DLG2: variants seen among roughly 807,000 people sequenced by gnomAD.
The protein encoded by DLG2 is discs large MAGUK scaffold protein 2, also known as disks large homolog 2.
Under a neutral mutation model 132.5 loss-of-function variants are expected in DLG2, and 45 were observed. That is an observed-to-expected ratio of 0.34 (90% CI 0.27 to 0.44). DLG2 has a LOEUF of 0.44. Among genes scored for constraint, DLG2 ranks in the 20% least tolerant of loss-of-function variants. The probability of loss-of-function intolerance (pLI) is 1.00; values close to 1 mark genes in which losing one functional copy is unlikely to be tolerated. For synonymous variants in DLG2, 424 were observed against 419.6 expected, an observed-to-expected ratio of 1.01 and a Z score of -0.13; for missense variants, 1,045 against 1,196.9, an observed-to-expected ratio of 0.87 and a Z score of 1.87.
At chr11:85,627,355 G>C (rs1007743052), upstream of DLG2, 1 of 152,104 alleles carries the variant, frequency 6.6e-6, no homozygotes, top group Non-Finnish European at 1.5e-5. Flanking sequence ...GAAAAAAAAG[G>C]AAAGCAATCC....
At chr11:83,469,124 A>AC (rs1339315356) in intron 25 of DLG2, 77 bp downstream of exon 25, 38 of 987,172 alleles carry the variant, frequency 3.8e-5, no homozygotes, top group Non-Finnish European at 1.5e-6. Flanking sequence ...AAGAGTAATG[A>AC]CCAAAAAAAA....
At chr11:85,320,738 G>A (rs1400911309) in intron 3 of DLG2, among the ~76,000 whole-genome samples, 1 of 151,850 alleles carries the variant, frequency 6.6e-6, no homozygotes, top group Admixed American at 6.6e-5. Flanking sequence ...ATAAAGTACT[G>A]TAGGAAAAGG....
chr11:85,622,598 G>A (rs1387039290), intron 2 of DLG2, among the ~76,000 whole-genome samples: 1 of 150,358 alleles, frequency 6.7e-6, no homozygotes, highest in Non-Finnish European at 1.5e-5. Context: ...AAAATAAGCA[G>A]GAGAGTCATA....
At chr11:83,953,514 T>G (rs1382464094) in intron 14 of DLG2, among the ~76,000 whole-genome samples, 1 of 152,194 alleles carries the variant, frequency 6.6e-6, no homozygotes, top group Admixed American at 6.5e-5. Flanking sequence ...CCCTGCCACC[T>G]GTCCATGGAA....
chr11:84,768,755 T>C (rs1403564586), intron 6 of DLG2, among the ~76,000 whole-genome samples: 1 of 152,054 alleles, frequency 6.6e-6, no homozygotes, highest in East Asian at 1.9e-4. Flanking sequence ...TGGTGGATTC[T>C]ACTCCCTCTC....
At chr11:83,896,813 C>G (rs760239306) in intron 15 of DLG2, among the ~76,000 whole-genome samples, 1 of 152,026 alleles carries the variant, frequency 6.6e-6, no homozygotes. Context: ...GAATTATACA[C>G]TAGAAATGGG....
At chr11:83,834,373 T>A (rs1047236391) in intron 16 of DLG2, among the ~76,000 whole-genome samples, 1 of 152,088 alleles carries the variant, frequency 6.6e-6, no homozygotes, top group African/African-American at 2.4e-5. Context: ...TGTCTAGGAA[T>A]CCAGCTGTGA....
intron 11 of DLG2, among the ~76,000 whole-genome samples, chr11:84,002,343 A>C (rs2094392619): frequency 6.6e-6 from 1 of 152,182 alleles, no homozygotes; most frequent in East Asian, 1.9e-4. Flanking sequence ...TCAACTAGGT[A>C]GTACCCCAGT....
chr11:84,239,465 A>G (rs1278804523), intron 8 of DLG2, among the ~76,000 whole-genome samples: 2 of 152,188 alleles, frequency 1.3e-5, no homozygotes, highest in African/African-American at 4.8e-5. Flanking sequence ...TACAGGCATG[A>G]GTCACCATGC....
chr11:84,029,171 A>G (rs541232111), intron 11 of DLG2, among the ~76,000 whole-genome samples: 6 of 152,222 alleles, frequency 3.9e-5, no homozygotes, highest in East Asian at 1.9e-4. Context: ...TAGAAGCTCA[A>G]TCAGTTACTA....
At chr11:84,549,599 C>G (rs181086711) in intron 6 of DLG2, among the ~76,000 whole-genome samples, 2 of 152,280 alleles carry the variant, frequency 1.3e-5, no homozygotes, top group Admixed American at 1.3e-4. Context: ...TATGAAGGCT[C>G]TCTGAAACTC....
At chr11:84,578,644 C>T (rs964917083) in intron 6 of DLG2, among the ~76,000 whole-genome samples, 1 of 152,174 alleles carries the variant, frequency 6.6e-6, no homozygotes, top group Non-Finnish European at 1.5e-5. Flanking sequence ...AACTAGCTTG[C>T]TTTTGACTTT....
At chr11:85,416,206 CTTCTG>C (rs2089832010) in intron 3 of DLG2, among the ~76,000 whole-genome samples, 1 of 151,512 alleles carries the variant, frequency 6.6e-6, no homozygotes, top group Non-Finnish European at 1.5e-5. Flanking sequence ...ATTTCTGAGG[CTTCTG>C]TTCTGTTCCA....
At chr11:84,741,276 G>A (rs1237861964) in intron 6 of DLG2, among the ~76,000 whole-genome samples, 2 of 151,326 alleles carry the variant, frequency 1.3e-5, no homozygotes, top group African/African-American at 2.4e-5. Context: ...CCGTGGTCTC[G>A]ATCTCCTGAC....
chr11:84,219,080 A>C (rs1320895804), intron 8 of DLG2, among the ~76,000 whole-genome samples: 1 of 152,168 alleles, frequency 6.6e-6, no homozygotes, highest in Non-Finnish European at 1.5e-5. Flanking sequence ...AAATACCATG[A>C]TTTACTGGTT....
At chr11:83,794,330 T>A (rs916301267) in intron 17 of DLG2, among the ~76,000 whole-genome samples, 34 of 152,198 alleles carry the variant, frequency 2.2e-4, no homozygotes, top group African/African-American at 7.2e-4. Context: ...TTTGAGTTTT[T>A]ATCAGTAAAC....
intron 3 of DLG2, among the ~76,000 whole-genome samples, chr11:85,376,690 G>T (rs770380852): frequency 6.6e-6 from 1 of 151,954 alleles, no homozygotes; most frequent in Admixed American, 6.6e-5. Flanking sequence ...AATTCCTTAC[G>T]GTATTTCAAG....
intron 6 of DLG2, among the ~76,000 whole-genome samples, chr11:84,755,261 C>T (rs1326349236): frequency 6.6e-6 from 1 of 152,096 alleles, no homozygotes; most frequent in Non-Finnish European, 1.5e-5. Context: ...AACTTGGTAC[C>T]AATAAATTTT....
chr11:84,488,441 A>G (rs763885548), intron 7 of DLG2, among the ~76,000 whole-genome samples: 1 of 152,118 alleles, frequency 6.6e-6, no homozygotes, highest in Non-Finnish European at 1.5e-5. Flanking sequence ...AGCTTTGCCA[A>G]CTGAGCCAAG....
Sources: allele counts gnomAD v4.1 joint callset (sites outside exome capture counted in the v4.1 genomes callset), GRCh38; gene constraint gnomAD v4.1.1; transcripts MANE v1.5; gene names NCBI Gene and HGNC (gene_info 2026-07-23, HGNC 2026-07-21).